Variants in RBFOX1 observed in about 807,000 individuals in gnomAD.
RBFOX1 encodes RNA binding fox-1 homolog 1.
In RBFOX1, 8 loss-of-function variants were observed where a neutral mutation model predicts 57.7. That is an observed-to-expected ratio of 0.14 (90% CI 0.08 to 0.25). The LOEUF (loss-of-function observed/expected upper bound fraction) is 0.25, where lower values mean the gene tolerates loss of function less well. Ranked by LOEUF, RBFOX1 falls within the 10% of genes least tolerant of loss-of-function variation. RBFOX1 has a pLI of 1.00. For synonymous variants in RBFOX1, 326 were observed against 222.4 expected (o/e 1.47, Z -4.15); for missense variants, 611 against 548.5 (o/e 1.11, Z -1.14).
At chr16:6,115,498 A>G (rs1307660203) in intron 1 of RBFOX1, among the ~76,000 whole-genome samples, 3 of 152,182 alleles carry the variant, frequency 2.0e-5, no homozygotes, top group African/African-American at 7.2e-5. Flanking sequence ...TGGCTGGCCC[A>G]AGGGGTGGGC....
intron 4 of RBFOX1, among the ~76,000 whole-genome samples, chr16:6,007,836 A>C (rs917354078): frequency 6.6e-6 from 1 of 152,148 alleles, no homozygotes; most frequent in African/African-American, 2.4e-5. Context: ...GATATCTAGC[A>C]GCCGTGGGGA....
rs1555563437 is a variant in RBFOX1 at position 6,226,384 on chromosome 16, A to AAAC, written c.-126-90609_-126-90608insCAA. Among the ~76,000 whole-genome samples, 92 of 150,080 alleles carry AAAC rather than the reference A, an allele frequency of 6.1e-4. 1 individual carries two copies. Among genetic ancestry groups the AAAC allele is most frequent in the African/African-American group, 2.1e-3 (86 of 40,908 alleles). On this transcript the variant is annotated intron_variant, in intron 1 of 15. Transcript: ENST00000550418. ...GTGAAACTCTGTCTCCAAAAAAAAAAAAAAAAACAAAAAAATATTTCCAAT... is the reference window on the plus strand; with the variant it reads ...GTGAAACTCTGTCTCCAAAAAAAAAAAACAAAAAAACAAAAAAATATTTCCAAT...
intron 3 of RBFOX1, among the ~76,000 whole-genome samples, chr16:6,906,388 A>T (rs914234453): frequency 1.3e-5 from 2 of 152,204 alleles, no homozygotes; most frequent in Admixed American, 6.5e-5. Context: ...ACTCATAAAA[A>T]ATACAGGATA....
intron 12 of RBFOX1, among the ~76,000 whole-genome samples, chr16:7,657,583 G>C (rs1281417903): frequency 6.6e-6 from 1 of 152,238 alleles, no homozygotes; most frequent in African/African-American, 2.4e-5. Flanking sequence ...GGGATTATAG[G>C]CGTGGGCCAC....
intron 3 of RBFOX1, among the ~76,000 whole-genome samples, chr16:6,904,599 TAAA>T (rs71147623): frequency 8.9e-4 from 57 of 64,022 alleles, no homozygotes; most frequent in African/African-American, 3.2e-3. Flanking sequence ...AGACTCTCTC[TAAA>T]AAAAAAAAAA....
intron 3 of RBFOX1, among the ~76,000 whole-genome samples, chr16:6,893,993 G>A (rs1338607640): frequency 6.6e-6 from 1 of 152,156 alleles, no homozygotes; most frequent in Admixed American, 6.5e-5. Flanking sequence ...CCCAAAGACA[G>A]TGCTATGATG....
At chr16:6,760,603 C>G (rs1558563) in intron 3 of RBFOX1, among the ~76,000 whole-genome samples, 32,512 of 152,126 alleles carry the variant, frequency 0.21, 4,151 homozygotes, top group East Asian at 0.41. Context: ...CGTTGGTAGA[C>G]TGACTTGAAG....
chr16:6,515,027 C>G (rs1472905094), intron 2 of RBFOX1, among the ~76,000 whole-genome samples: 1 of 151,734 alleles, frequency 6.6e-6, no homozygotes, highest in South Asian at 2.1e-4. Context: ...ATCTTTGACA[C>G]AAGCTTCAAT....
At chr16:6,154,541 G>A (rs182753078) in intron 1 of RBFOX1, among the ~76,000 whole-genome samples, 18 of 152,274 alleles carry the variant, frequency 1.2e-4, no homozygotes, top group Admixed American at 1.0e-3. Context: ...GATAGTGGGA[G>A]CCAGCGGTGA....
intron 1 of RBFOX1, among the ~76,000 whole-genome samples, chr16:5,332,060 G>T (rs1435873234): frequency 6.6e-6 from 1 of 152,164 alleles, no homozygotes; most frequent in Admixed American, 6.5e-5. Context: ...AATCATAATG[G>T]CTTTGGAACA....
chr16:5,498,628 T>C (rs1212395258), intron 2 of RBFOX1, among the ~76,000 whole-genome samples: 2 of 152,196 alleles, frequency 1.3e-5, no homozygotes, highest in East Asian at 3.9e-4. Flanking sequence ...CAGGAGAAGA[T>C]GATAGCTCAG....
chr16:6,207,472 G>A (rs1408359101), intron 1 of RBFOX1, among the ~76,000 whole-genome samples: 2 of 152,030 alleles, frequency 1.3e-5, no homozygotes, highest in African/African-American at 4.8e-5. Flanking sequence ...GGTGGTTTTT[G>A]TTTTTTCCCT....
At chr16:6,168,408 C>G (rs368463735) in intron 1 of RBFOX1, among the ~76,000 whole-genome samples, 2 of 152,068 alleles carry the variant, frequency 1.3e-5, no homozygotes, top group East Asian at 3.9e-4. Context: ...TACGTAGAGC[C>G]AGGCAAGCTC....
chr16:6,707,891 C>G (rs1025417560), intron 3 of RBFOX1, among the ~76,000 whole-genome samples: 2 of 152,170 alleles, frequency 1.3e-5, no homozygotes, highest in African/African-American at 4.8e-5. Context: ...ATGTGCTCCT[C>G]TGTGAGAGAG....
At chr16:7,661,461 C>G (rs1429155419) in intron 12 of RBFOX1, among the ~76,000 whole-genome samples, 1 of 152,280 alleles carries the variant, frequency 6.6e-6, no homozygotes, top group East Asian at 1.9e-4. Flanking sequence ...GCACTTCACT[C>G]CTCTCTACCG....
At chr16:7,564,984 C>T (rs752987542) in intron 5 of RBFOX1, among the ~76,000 whole-genome samples, 6 of 152,042 alleles carry the variant, frequency 3.9e-5, no homozygotes, top group Non-Finnish European at 8.8e-5. Context: ...CAGCCAGGCT[C>T]GAAATGAGGC....
At chr16:7,361,373 G>C (rs8062867) in intron 4 of RBFOX1, among the ~76,000 whole-genome samples, 420 of 152,270 alleles carry the variant, frequency 2.8e-3, no homozygotes, top group South Asian at 0.01. Context: ...GTTTGCTCTT[G>C]GGGAAGATTA....
At chr16:5,932,422 C>T (rs975103168) in intron 4 of RBFOX1, among the ~76,000 whole-genome samples, 2 of 152,142 alleles carry the variant, frequency 1.3e-5, no homozygotes, top group Non-Finnish European at 2.9e-5. Flanking sequence ...TTCTCCAGCA[C>T]CTCCAGATGA....
At position 5,896,028 on chromosome 16, in the gene RBFOX1, A is replaced by G. The variant is rs138910483; in HGVS notation, c.351+28693A>G. Among the ~76,000 whole-genome samples, 165 of 152,256 alleles carry G rather than the reference A, an allele frequency of 1.1e-3. 1 individual carries two copies. Among genetic ancestry groups the G allele is most frequent in the South Asian group, 3.3e-3 (16 of 4,824 alleles). ...TAAAATGTTCTGTCTTACGTTGGGT[A>G]CTTCAGATGCCGAGCCTGAGAGGGG... On this transcript the variant is annotated intron_variant, in intron 4 of 19. Coordinates refer to the RBFOX1 transcript ENST00000641259.
Sources: gnomAD v4.1 joint callset for allele counts (sites outside exome capture counted in the v4.1 genomes callset) on GRCh38, gnomAD v4.1.1 for gene constraint, MANE v1.5 for transcripts, NCBI Gene and HGNC (gene_info 2026-07-23, HGNC 2026-07-21) for gene names.